Variants in TMEM179 observed in about 807,000 individuals in gnomAD.
The protein encoded by TMEM179 is transmembrane protein 179.
A neutral mutation model predicts 22.2 loss-of-function variants in TMEM179; 17 were observed. The observed-to-expected ratio is 0.77, with a 90% CI of 0.52 to 1.15. TMEM179 has a LOEUF of 1.15. Ranked by LOEUF, TMEM179 falls within the 50% of genes most tolerant of loss-of-function variation. The pLI, the probability that TMEM179 is intolerant of heterozygous loss-of-function variation, is 0.00. For missense variants in TMEM179, 265 were observed against 313.6 expected (o/e 0.84, Z 1.17); for synonymous variants, 127 against 140.5 (o/e 0.90, Z 0.68).
Position 104,596,957 on chromosome 14 carries a change from GGGCGGA to G in TMEM179, c.443+27_443+32del, listed in dbSNP as rs551477753. 1.3e-4 allele frequency: 207 copies of G among 1,592,438 alleles called. No homozygotes were observed. The African/African-American group carries it at 2.2e-3, about 17-fold the overall frequency. Reference sequence around the variant, plus strand: ...GTGTCAAGGGATCTTCCGGGGAGGTGGGCGGAGGCCGAGGCGGGTGGGGCGGGCGCA... The same window carrying G: ...GTGTCAAGGGATCTTCCGGGGAGGTGGGCCGAGGCGGGTGGGGCGGGCGCA... On this transcript the variant is annotated intron_variant, in intron 2 of 3. Coordinates refer to ENST00000556573, the MANE Select transcript of TMEM179 (RefSeq NM_001286389.2).
chr14:104,594,016 A>T, intron 3 of TMEM179: 1 of 1,215,560 alleles, frequency 8.2e-7, no homozygotes, highest in Non-Finnish European at 1.0e-6. Flanking sequence ...TGTCGGCTCT[A>T]AGGAGGGCGG....
In TMEM179 at chr14:104,595,287, C is replaced by T; in HGVS notation, c.444-44G>A. ...GGGTGGAGGGTGACCACCAGGACAG[C>T]CAGTGCGGGACATGGCTGAGCCGCT... is the stretch of plus-strand genomic sequence containing the variant. On this transcript the variant is annotated intron_variant, in intron 2 of 3. Transcript: ENST00000556573. This position sits in a 1 kb window ranked among gnomAD's most constrained non-coding sequence, Gnocchi z 5.7. The T allele has an allele frequency of 6.3e-7, 1 of 1,587,386 alleles. No individual in the cohort carries two copies.
intron 1 of TMEM179, among the ~76,000 whole-genome samples, chr14:104,599,193 G>A (rs1887154617): frequency 6.6e-6 from 1 of 152,200 alleles, no homozygotes; most frequent in African/African-American, 2.4e-5. Flanking sequence ...GAATCACCAT[G>A]TGCCAGTGTC....
At chr14:104,602,198 T>C (rs1178507334) in intron 1 of TMEM179, among the ~76,000 whole-genome samples, 1 of 152,190 alleles carries the variant, frequency 6.6e-6, no homozygotes, top group Non-Finnish European at 1.5e-5. Context: ...GTGTGCGAAA[T>C]AGACCATACC....
At position 104,591,623 on chromosome 14, in the gene TMEM179, G is replaced by T. The variant is rs1334093967; in HGVS notation, c.*1856C>A. On this transcript the variant is annotated 3_prime_UTR_variant, in exon 4 of 4. Coordinates refer to ENST00000556573, the MANE Select transcript of TMEM179 (RefSeq NM_001286389.2). ...GACTTGACACCCCCGATGGGCACCT[G>T]CCAGCCTCACTCCCGGGACCCAGGA... 1.4e-5 allele frequency: 5 copies of T among 345,510 alleles called. No homozygotes were observed. The highest frequency in any genetic ancestry group is 5.7e-6 in the Non-Finnish European group (1 of 174,820). 21.4% of individuals were successfully genotyped at this position (345,510 alleles called of 1,614,324 possible).
rs1886999139 is a variant in TMEM179 at position 104,595,683 on chromosome 14, G to A, written c.444-440C>T. Among the ~76,000 whole-genome samples, 2 of 152,248 alleles carry A rather than the reference G, an allele frequency of 1.3e-5. No homozygotes were observed. The highest frequency in any genetic ancestry group is 6.5e-5 in the Admixed American group (1 of 15,288). ...GGGTCACAGGGTCTCAGAGGCAGGA[G>A]ATGCAGGGCTGCCTCAGCCAGACAG... On this transcript the variant is annotated intron_variant, in intron 2 of 3. Coordinates refer to ENST00000556573, the MANE Select transcript of TMEM179 (RefSeq NM_001286389.2). This position sits in a 1 kb window ranked among gnomAD's most constrained non-coding sequence, Gnocchi z 5.7.
In TMEM179 at chr14:104,595,533, C is replaced by T. The variant is rs536882596; in HGVS notation, c.444-290G>A. ...CCTGGACCCTCTGCCCCCCATGCCCCACACTCTGAGGATCACGGGGTCTCA... is the reference window on the plus strand; with the variant it reads ...CCTGGACCCTCTGCCCCCCATGCCCTACACTCTGAGGATCACGGGGTCTCA... On this transcript the variant is annotated intron_variant, in intron 2 of 3. Transcript: ENST00000556573. The surrounding 1 kb of genome is among the most constrained non-coding windows in gnomAD (Gnocchi z 5.7). Among the ~76,000 whole-genome samples the T allele has an allele frequency of 6.6e-6, 1 of 152,176 alleles. No homozygotes were observed. The highest frequency in any genetic ancestry group is 2.1e-4 in the South Asian group (1 of 4,818).
intron 3 of TMEM179, chr14:104,594,289 C>G (rs954513604): frequency 8.1e-7 from 1 of 1,231,624 alleles, no homozygotes; most frequent in African/African-American, 1.6e-5. Flanking sequence ...CATTCAGGCC[C>G]ACCCATGTCC....
Position 104,597,001 on chromosome 14 carries a change from G to C in TMEM179, c.432C>G (p.Thr144=). Residue 144 remains threonine, a synonymous_variant, in exon 2 of 4, where the codon ACC becomes ACG. Coordinates refer to ENST00000556573, the MANE Select transcript of TMEM179 (RefSeq NM_001286389.2). This position sits in a 1 kb window ranked among gnomAD's most constrained non-coding sequence, Gnocchi z 4.8. ...TGGGGCGGGCGCACCTGTGGGGTAC[G>C]GTGCCCTTCTCGGTGATGGTGTCGC... The part of the protein sequence containing the change: ...MWCDTITEKG[T]VPHSCEELQD... 6.2e-7 allele frequency: 1 copy of C among 1,605,804 alleles called. No individual in the cohort carries two copies. Among genetic ancestry groups the C allele is most frequent in the African/African-American group, 1.3e-5 (1 of 74,966 alleles).
chr14:104,594,878 C>A, intron 3 of TMEM179: 1 of 1,317,178 alleles, frequency 7.6e-7, no homozygotes, highest in Non-Finnish European at 9.7e-7. Flanking sequence ...CACCACCTCC[C>A]CCCACACCCC....
At chr14:104,594,880 C>T in intron 3 of TMEM179, 1 of 1,322,946 alleles carries the variant, frequency 7.6e-7, no homozygotes, top group Non-Finnish European at 9.6e-7. Context: ...CCACCTCCCC[C>T]CACACCCCCA....
intron 1 of TMEM179, among the ~76,000 whole-genome samples, chr14:104,599,881 C>A (rs1025069730): frequency 6.6e-6 from 1 of 152,116 alleles, no homozygotes; most frequent in Non-Finnish European, 1.5e-5. Context: ...GGCAGAGGCT[C>A]TGGGCCCAGG....
chr14:104,599,501 C>A (rs1887165956), intron 1 of TMEM179, among the ~76,000 whole-genome samples: 1 of 152,236 alleles, frequency 6.6e-6, no homozygotes, highest in Non-Finnish European at 1.5e-5. Context: ...CCTTCAATGA[C>A]CTTTCCTTGG....
intron 1 of TMEM179, among the ~76,000 whole-genome samples, chr14:104,603,937 C>T (rs771215524): frequency 1.4e-4 from 21 of 152,200 alleles, no homozygotes; most frequent in Non-Finnish European, 2.5e-4. Flanking sequence ...GGCCTGAGCT[C>T]GAGGTGGGCC....
chr14:104,593,750 G>A, intron 3 of TMEM179, 92 bp from the exon 4 acceptor site: 2 of 1,363,728 alleles, frequency 1.5e-6, no homozygotes, highest in Non-Finnish European at 1.9e-6. Context: ...TGCTCTGCAG[G>A]GAAAGGACAG....
At chr14:104,601,373 A>C (rs149058942) in intron 1 of TMEM179, among the ~76,000 whole-genome samples, 4 of 152,194 alleles carry the variant, frequency 2.6e-5, no homozygotes, top group Admixed American at 1.3e-4. Context: ...ACTCCTACGC[A>C]CCATCCCCTG....
In TMEM179 at chr14:104,604,381, TCTGGGGGCG is replaced by T; in HGVS notation, c.305+47_305+55del. ...TCGCGCGCCTCCCCGGGGAGGTGGG[TCTGGGGGCG>T]CTGGGGGCATGGAAGGGGCGCCGCG... On this transcript the variant is annotated intron_variant, in intron 1 of 3. Transcript: ENST00000556573. The surrounding 1 kb of genome is among the most constrained non-coding windows in gnomAD (Gnocchi z 4.6). 3.5e-6 allele frequency: 5 copies of T among 1,427,290 alleles called. No individual in the cohort carries two copies. The highest frequency in any genetic ancestry group is 4.6e-6 in the Non-Finnish European group (5 of 1,096,238). The allele number at this position is 1,427,290 out of a possible 1,614,324, so 88.4% of individuals were successfully genotyped here. A position where few individuals can be genotyped will look rare whatever the true frequency, so the allele number is the denominator to read the frequency against.
At position 104,597,634 on chromosome 14, in the gene TMEM179, C is replaced by T. The variant is rs1887080095; in HGVS notation, c.306-507G>A. 6.6e-6 allele frequency among the ~76,000 whole-genome samples: 1 copy of T among 152,102 alleles called. No homozygotes were observed. Among genetic ancestry groups the T allele is most frequent in the African/African-American group, 2.4e-5 (1 of 41,414 alleles). On this transcript the variant is annotated intron_variant, in intron 1 of 3. Transcript: ENST00000556573. This position sits in a 1 kb window ranked among gnomAD's most constrained non-coding sequence, Gnocchi z 4.8. ...GAGTGCCCTCCTAGGAGAGACCCCA[C>T]CAAGCGAGCTCCCAGCAGATAACGA...
chr14:104,598,440 C>T (rs1298644788), intron 1 of TMEM179, among the ~76,000 whole-genome samples: 2 of 152,230 alleles, frequency 1.3e-5, no homozygotes, highest in Non-Finnish European at 2.9e-5. Context: ...ACAAGGTCTC[C>T]CTGGAATCTC....
Sources: gnomAD v4.1 joint callset for allele counts (sites outside exome capture counted in the v4.1 genomes callset) on GRCh38, gnomAD v4.1.1 for gene constraint, Gnocchi (gnomAD v3.1) non-coding constraint, MANE v1.5 for transcripts, NCBI Gene and HGNC (gene_info 2026-07-23, HGNC 2026-07-21) for gene names.